SLC35F4: variants seen among roughly 807,000 people sequenced by gnomAD.
SLC35F4 encodes the protein solute carrier family 35 member F4.
A neutral mutation model predicts 44.2 loss-of-function variants in SLC35F4; 24 were observed. The observed-to-expected ratio is 0.54, with a 90% CI of 0.39 to 0.76. SLC35F4 has a LOEUF of 0.76. SLC35F4 is among the 30% of genes least tolerant of loss of function. The pLI is 0.00. For synonymous variants in SLC35F4, 238 were observed against 223.6 expected (o/e 1.06, Z -0.57); for missense variants, 562 against 586.1 (o/e 0.96, Z 0.42).
chr14:57,865,671 C>A, intron 1 of SLC35F4, 52 bp downstream of exon 1: 2 of 1,451,834 alleles, frequency 1.4e-6, no homozygotes, highest in East Asian at 2.7e-5. Context: ...GGCACCCCTG[C>A]GCGCCCACCT....
intron 6 of SLC35F4, among the ~76,000 whole-genome samples, chr14:57,567,757 G>A (rs1237837554): frequency 6.6e-6 from 1 of 152,182 alleles, no homozygotes; most frequent in Non-Finnish European, 1.5e-5. Flanking sequence ...TACAGCACAG[G>A]CTCTGCTGAG....
chr14:57,719,753 G>A (rs998884796), intron 1 of SLC35F4, among the ~76,000 whole-genome samples: 6 of 152,212 alleles, frequency 3.9e-5, no homozygotes, highest in Admixed American at 6.5e-5. Flanking sequence ...GGTAGCATCT[G>A]CAAACAATGA....
intron 1 of SLC35F4, among the ~76,000 whole-genome samples, chr14:57,605,529 C>T (rs570073063): frequency 1.3e-5 from 2 of 152,232 alleles, no homozygotes; most frequent in East Asian, 3.9e-4. Flanking sequence ...AGTTCAATCA[C>T]TGTAGAGAGC....
chr14:57,571,649 C>T (rs562018324), intron 5 of SLC35F4, among the ~76,000 whole-genome samples: 1 of 152,300 alleles, frequency 6.6e-6, no homozygotes, highest in South Asian at 2.1e-4. Flanking sequence ...GTTATGTAAT[C>T]TTTCAAAGCC....
At chr14:57,886,388 T>C (rs1888646029) in intron 1 of SLC35F4, among the ~76,000 whole-genome samples, 1 of 152,162 alleles carries the variant, frequency 6.6e-6, no homozygotes, top group Non-Finnish European at 1.5e-5. Context: ...CTTAGGTTGT[T>C]GACAGAATTG....
rs973593896 is a variant in SLC35F4, at chr14:57,669,121, GCTCT to G, written c.104-75001_104-74998del. 2.7e-4 allele frequency among the ~76,000 whole-genome samples: 41 copies of G among 152,038 alleles called. 1 individual carries two copies. The highest frequency in any genetic ancestry group is 8.9e-4 in the African/African-American group (37 of 41,406). On this transcript the variant is annotated intron_variant, in intron 1 of 7. Coordinates refer to ENST00000556826, the MANE Select transcript of SLC35F4 (RefSeq NM_001306087.2). ...TGAATGGGAATCCACTCATGATTTG[GCTCT>G]CTGTTTGTCTGTTATTGGTGTATAA...
intron 1 of SLC35F4, among the ~76,000 whole-genome samples, chr14:57,871,969 C>A (rs1230700613): frequency 2.0e-5 from 3 of 152,134 alleles, no homozygotes; most frequent in Non-Finnish European, 1.5e-5. Context: ...CTATGTATGT[C>A]TAAGATCACT....
At chr14:57,673,694 G>C (rs1284091086) in intron 1 of SLC35F4, among the ~76,000 whole-genome samples, 2 of 151,820 alleles carry the variant, frequency 1.3e-5, no homozygotes, top group Non-Finnish European at 2.9e-5. Flanking sequence ...GTGGGGGTGG[G>C]AGGAGGTGTT....
At chr14:57,657,668 A>T (rs1232353218) in intron 1 of SLC35F4, among the ~76,000 whole-genome samples, 1 of 152,068 alleles carries the variant, frequency 6.6e-6, no homozygotes, top group Non-Finnish European at 1.5e-5. Context: ...GCAGATGGTT[A>T]TTCTCTACAC....
At chr14:57,697,640 G>T (rs140642969) in intron 1 of SLC35F4, among the ~76,000 whole-genome samples, 111 of 151,666 alleles carry the variant, frequency 7.3e-4, no homozygotes, top group African/African-American at 2.6e-3. Context: ...AGCAGAGGTT[G>T]CAGTGAACTG....
At chr14:57,570,059 G>A (rs2068419421) in intron 5 of SLC35F4, 79 bp from the exon 6 acceptor site, 3 of 1,311,732 alleles carry the variant, frequency 2.3e-6, no homozygotes, top group Non-Finnish European at 2.0e-6. Flanking sequence ...TCCATACTGT[G>A]AGCTAACTGG....
intron 1 of SLC35F4, among the ~76,000 whole-genome samples, chr14:57,944,551 C>T (rs1041149909): frequency 1.3e-5 from 2 of 151,676 alleles, no homozygotes; most frequent in Admixed American, 6.6e-5. Context: ...CAAAATTGTG[C>T]TTTGTGAGAC....
rs1225828920 is a variant in SLC35F4, at chr14:57,622,540, A to G, written c.104-28416T>C. Among the ~76,000 whole-genome samples, 3 of 151,106 alleles carry G rather than the reference A, an allele frequency of 2.0e-5. No individual in the cohort carries two copies. The South Asian group carries it at 6.3e-4, about 32-fold the overall frequency. On this transcript the variant is annotated intron_variant, in intron 1 of 7. Coordinates refer to ENST00000556826, the MANE Select transcript of SLC35F4 (RefSeq NM_001306087.2). ...TGTAGGGACATGGATGAAATTGGAAATCATCATTCTCAGTAAACTATCGCA... is the reference window on the plus strand; with the variant it reads ...TGTAGGGACATGGATGAAATTGGAAGTCATCATTCTCAGTAAACTATCGCA...
intron 1 of SLC35F4, among the ~76,000 whole-genome samples, chr14:57,820,325 G>C (rs1295070496): frequency 6.6e-6 from 1 of 152,160 alleles, no homozygotes; most frequent in Non-Finnish European, 1.5e-5. Context: ...CTAAATAAAT[G>C]TAGATAAGAG....
chr14:57,958,898 AG>A (rs2141086449), intron 1 of SLC35F4, among the ~76,000 whole-genome samples: 1 of 152,346 alleles, frequency 6.6e-6, no homozygotes, highest in East Asian at 1.9e-4. Flanking sequence ...GGGTTACAAA[AG>A]TTAGACATCG....
At position 57,569,914 on chromosome 14, in the gene SLC35F4, C is replaced by T. The variant is rs1207682744; in HGVS notation, c.1000G>A (p.Gly334Ser). The T allele has an allele frequency of 6.2e-7, 1 of 1,612,838 alleles. No homozygotes were observed. Among genetic ancestry groups the T allele is most frequent in the South Asian group, 1.1e-5 (1 of 90,710 alleles). The change falls in exon 6 of 8, where the codon GGT (glycine) becomes AGT (serine). Residue 334 changes from glycine to serine, a missense_variant. Gly to Ser is a moderately conservative substitution (Grantham distance 56). Transcript: ENST00000556826. Reference protein sequence around the residue: ...GEAAHFVSTLGFFNLIFISFT... With the variant: ...GEAAHFVSTLSFFNLIFISFT... ...GAGATGAAGATCAAATTGAAGAAAC[C>T]CAAGGTGGAGACAAAGTGTGCAGCT...
At chr14:57,983,042 T>C (rs1283775458), upstream of SLC35F4, among the ~76,000 whole-genome samples, 2 of 152,240 alleles carry the variant, frequency 1.3e-5, no homozygotes, top group Admixed American at 1.3e-4. Flanking sequence ...GCTCAGGCTC[T>C]GCTATTGTTA....
chr14:57,584,054 GT>G (rs2069504825), intron 3 of SLC35F4, among the ~76,000 whole-genome samples: 1 of 23,294 alleles, frequency 4.3e-5, no homozygotes, highest in Non-Finnish European at 8.3e-5. Flanking sequence ...ATATTTTATA[GT>G]AAGCATATTT....
chr14:57,628,419 C>T (rs1433566300), intron 1 of SLC35F4, among the ~76,000 whole-genome samples: 2 of 139,896 alleles, frequency 1.4e-5, no homozygotes, highest in Non-Finnish European at 3.1e-5. Context: ...ATTTACATTA[C>T]GTATTTCTCT....
Sources: gnomAD v4.1 joint callset for allele counts (sites outside exome capture counted in the v4.1 genomes callset) on GRCh38, gnomAD v4.1.1 for gene constraint, MANE v1.5 for transcripts, NCBI Gene and HGNC (gene_info 2026-07-23, HGNC 2026-07-21) for gene names.